The following FAM118A variants were observed in gnomAD, a reference collection of about 807,000 sequenced individuals.
FAM118A encodes the protein protein FAM118A.
Under a neutral mutation model 38.2 loss-of-function variants are expected in FAM118A, and 25 were observed. That is an observed-to-expected ratio of 0.65 (90% CI 0.48 to 0.91). The LOEUF is 0.91. Ranked by LOEUF, FAM118A falls within the 40% of genes least tolerant of loss-of-function variation. FAM118A has a pLI of 0.00. For synonymous variants in FAM118A, 178 were observed against 184.1 expected (o/e 0.97, Z 0.27); for missense variants, 425 against 463.3 (o/e 0.92, Z 0.76).
At chr22:45,332,396 C>T in intron 5 of FAM118A, 29 bp from the exon 6 acceptor site, 1 of 1,591,002 alleles carries the variant, frequency 6.3e-7, no homozygotes, top group Non-Finnish European at 8.6e-7. Context: ...TTCAAATGAG[C>T]ACTCAATTTC....
intron 4 of FAM118A, chr22:45,328,561 G>C: frequency 1.4e-6 from 1 of 696,116 alleles, no homozygotes; most frequent in Non-Finnish European, 2.6e-6. Flanking sequence ...GAGCCCAGGA[G>C]TTCCAGACTG....
chr22:45,325,430 A>C (rs1037668444), intron 3 of FAM118A, among the ~76,000 whole-genome samples: 1 of 152,046 alleles, frequency 6.6e-6, no homozygotes, highest in East Asian at 1.9e-4. Flanking sequence ...TATTGGGGGA[A>C]GTTGTAGTGA....
intron 3 of FAM118A, among the ~76,000 whole-genome samples, chr22:45,327,333 T>C (rs1047820468): frequency 6.6e-6 from 1 of 151,028 alleles, no homozygotes; most frequent in Non-Finnish European, 1.5e-5. Context: ...AAGAGAAAAC[T>C]GGGACTGTGC....
chr22:45,311,166 G>A (rs1174716670), intron 1 of FAM118A, among the ~76,000 whole-genome samples: 2 of 152,162 alleles, frequency 1.3e-5, no homozygotes, highest in African/African-American at 4.8e-5. Context: ...CAGGTGAGCT[G>A]ATTCTTGAAG....
chr22:45,333,400 C>T lies in FAM118A; in HGVS notation c.937+690C>T, dbSNP rs1409331352. On this transcript the variant is annotated intron_variant, in intron 6 of 8. Transcript: ENST00000441876. ...AAAAATTAGCTGGGTTTGGAGCGGG[C>T]GCGATAGCTCACGCCTGTAATCCCA... is the stretch of plus-strand genomic sequence containing the variant. Among the ~76,000 whole-genome samples, 4 of 151,808 alleles carry T rather than the reference C, an allele frequency of 2.6e-5. No homozygotes were observed. The South Asian group carries it at 6.2e-4, about 24-fold the overall frequency.
chr22:45,332,581 C>A lies in FAM118A; in HGVS notation c.808C>A (p.His270Asn). The A allele has an allele frequency of 3.7e-6, 6 of 1,614,088 alleles. No homozygotes were observed. The highest frequency in any genetic ancestry group is 5.1e-6 in the Non-Finnish European group (6 of 1,180,030). ...GCTTGTGCTGAAGGAGAATGAAGAC[C>A]ATTTCTTTAAGCATCAGGCAGATAT... is the stretch of plus-strand genomic sequence containing the variant. ...YMLVLKENEDHFFKHQADMLL... is the reference protein window; with the variant it reads ...YMLVLKENEDNFFKHQADMLL... The change falls in exon 6 of 9, where the codon CAT becomes AAT. Residue 270 changes from histidine (H) to asparagine (N), a missense_variant. Coordinates refer to ENST00000441876, the MANE Select transcript of FAM118A (RefSeq NM_017911.4).
intron 1 of FAM118A, among the ~76,000 whole-genome samples, chr22:45,313,299 G>T (rs2084456464): frequency 6.6e-6 from 1 of 150,496 alleles, no homozygotes; most frequent in Admixed American, 6.6e-5. Context: ...GTGCCTTTCA[G>T]TGTCAGACAT....
chr22:45,322,484 G>A (rs2084937829), intron 2 of FAM118A, 58 bp downstream of exon 2: 4 of 1,442,898 alleles, frequency 2.8e-6, no homozygotes, highest in Admixed American at 1.9e-5. Flanking sequence ...AGCGTCTCTC[G>A]TGAGTGTGCG....
At chr22:45,322,454 C>T (rs2084935015) in intron 2 of FAM118A, 28 bp downstream of exon 2, 1 of 1,588,726 alleles carries the variant, frequency 6.3e-7, no homozygotes, top group African/African-American at 1.4e-5. Context: ...TACCTTCAAG[C>T]AGCTTCATTG....
chr22:45,325,870 C>T (rs935890311), intron 3 of FAM118A, among the ~76,000 whole-genome samples: 1 of 152,076 alleles, frequency 6.6e-6, no homozygotes, highest in Admixed American at 6.5e-5. Flanking sequence ...GGAAGGGTCT[C>T]AGGGATGCAT....
In FAM118A at chr22:45,330,709, T is replaced by C. The variant is rs1482608153; in HGVS notation, c.629T>C (p.Val210Ala). The C allele has an allele frequency of 1.9e-6, 3 of 1,583,110 alleles. No individual in the cohort carries two copies. The highest frequency in any genetic ancestry group is 2.3e-5 in the East Asian group (1 of 43,634). Reference sequence around the variant, plus strand: ...CTGGACCCATCGGGGTATAAAGACGTCACTCAAGACGCAGAAGTCATGGTA... The same window carrying C: ...CTGGACCCATCGGGGTATAAAGACGCCACTCAAGACGCAGAAGTCATGGTA... ...VVLDPSGYKDVTQDAEVMEVL... is the reference protein window; with the variant it reads ...VVLDPSGYKDATQDAEVMEVL... Residue 210 changes from valine to alanine, a missense_variant, in exon 5 of 9, where the codon GTC becomes GCC. Physicochemically the swap from Val to Ala is moderately conservative, Grantham distance 64. Coordinates refer to ENST00000441876, the MANE Select transcript of FAM118A (RefSeq NM_017911.4).
chr22:45,333,511 A>G (rs569860150), intron 6 of FAM118A, among the ~76,000 whole-genome samples: 1 of 152,110 alleles, frequency 6.6e-6, no homozygotes, highest in East Asian at 1.9e-4. Flanking sequence ...CGTCTCTACT[A>G]AAAATACAAA....
chr22:45,338,949 A>G (rs1454986339), intron 8 of FAM118A, among the ~76,000 whole-genome samples: 1 of 152,244 alleles, frequency 6.6e-6, no homozygotes, highest in Non-Finnish European at 1.5e-5. Flanking sequence ...GGCCACCTGC[A>G]GAGTGAATTA....
At chr22:45,340,166 T>C (rs2086389113) in intron 8 of FAM118A, among the ~76,000 whole-genome samples, 1 of 152,240 alleles carries the variant, frequency 6.6e-6, no homozygotes, top group Non-Finnish European at 1.5e-5. Context: ...CACAGATCGT[T>C]GCAAATGTAA....
At chr22:45,327,737 T>G in intron 3 of FAM118A, 105 bp from the exon 4 acceptor site, 3 of 1,174,642 alleles carry the variant, frequency 2.6e-6, no homozygotes, top group Non-Finnish European at 3.7e-6. Flanking sequence ...AGATTTTCTT[T>G]GTTTTCAGCC....
chr22:45,335,792 T>C (rs1569155954), intron 7 of FAM118A, among the ~76,000 whole-genome samples: 1 of 152,178 alleles, frequency 6.6e-6, no homozygotes, highest in African/African-American at 2.4e-5. Flanking sequence ...TTAATACTTG[T>C]TTTGAAATGT....
intron 8 of FAM118A, 57 bp from the exon 9 acceptor site, chr22:45,340,329 A>G (rs574613187): frequency 4.4e-6 from 7 of 1,603,328 alleles, no homozygotes; most frequent in African/African-American, 2.7e-5. Context: ...TCTATTGCAA[A>G]TAACTTCTTT....
chr22:45,331,960 C>T (rs1200595336), intron 5 of FAM118A, among the ~76,000 whole-genome samples: 1 of 152,150 alleles, frequency 6.6e-6, no homozygotes, highest in Non-Finnish European at 1.5e-5. Context: ...ACATATGGCC[C>T]ACTGAGATCA....
intron 4 of FAM118A, chr22:45,330,319 C>T (rs904234944): frequency 1.5e-5 from 3 of 195,454 alleles, no homozygotes; most frequent in Non-Finnish European, 3.1e-5. Context: ...AGGTATGAGC[C>T]ACCCAGAAGC....
Sources: allele counts gnomAD v4.1 joint callset (sites outside exome capture counted in the v4.1 genomes callset), GRCh38; gene constraint gnomAD v4.1.1; transcripts MANE v1.5; gene names NCBI Gene and HGNC (gene_info 2026-07-23, HGNC 2026-07-21).